CUX1: variants seen among roughly 807,000 people sequenced by gnomAD.
CUX1 encodes the protein cut like homeobox 1.
CUX1 carries 31 observed loss-of-function variants against 158.8 expected under a neutral mutation model. That is an observed-to-expected ratio of 0.20 (90% CI 0.15 to 0.26). The LOEUF (loss-of-function observed/expected upper bound fraction) is 0.26. CUX1 is among the 10% of genes least tolerant of loss of function. The pLI is 1.00. For synonymous variants in CUX1, 879 were observed against 862.1 expected (o/e 1.02, Z -0.34); for missense variants, 1,589 against 2,014.6 (o/e 0.79, Z 4.04).
intron 21 of CUX1, among the ~76,000 whole-genome samples, chr7:102,231,800 G>A (rs1799033853): frequency 1.4e-5 from 2 of 148,096 alleles, no homozygotes; most frequent in African/African-American, 2.5e-5. Context: ...TGCAAGCTCC[G>A]CCTCCCGGGT....
intron 1 of CUX1, among the ~76,000 whole-genome samples, chr7:101,853,123 C>T (rs1464990658): frequency 1.3e-5 from 2 of 152,162 alleles, no homozygotes; most frequent in Non-Finnish European, 2.9e-5. Flanking sequence ...AGAGCTTTGC[C>T]AGTCAATTGC....
At chr7:101,848,668 A>G (rs1795954238) in intron 1 of CUX1, among the ~76,000 whole-genome samples, 1 of 152,022 alleles carries the variant, frequency 6.6e-6, no homozygotes, top group South Asian at 2.1e-4. Flanking sequence ...GTGCTTAACC[A>G]TAAGGATCAG....
At chr7:102,033,466 T>G (rs1821036411) in intron 3 of CUX1, among the ~76,000 whole-genome samples, 1 of 152,174 alleles carries the variant, frequency 6.6e-6, no homozygotes, top group Non-Finnish European at 1.5e-5. Context: ...ACCACTGTAC[T>G]CATCAAGACA....
In CUX1 at chr7:102,197,256, C is replaced by G. The variant is rs781825127; in HGVS notation, c.1845C>G (p.Ser615=). ...TTCACAAGATGAAACAGTTCCTCTC[C>G]GATGAGCAGAACATCCTGGCCCTCC... ...EPFHKMKQFL[S]DEQNILALRS... is the part of the protein sequence containing the mutation. Residue 615 remains serine (S), a synonymous_variant, in exon 15 of 24, where the codon TCC becomes TCG. Transcript: ENST00000292535. 5.9e-5 allele frequency: 96 copies of G among 1,614,010 alleles called. No individual in the cohort carries two copies. Among genetic ancestry groups the G allele is most frequent in the Non-Finnish European group, 7.5e-5 (89 of 1,180,028 alleles).
At chr7:102,218,719 C>T (rs1207492304) in intron 20 of CUX1, among the ~76,000 whole-genome samples, 1 of 151,728 alleles carries the variant, frequency 6.6e-6, no homozygotes, top group Non-Finnish European at 1.5e-5. Context: ...AGAATTTTGG[C>T]TCCCATGTCA....
At chr7:102,120,031 G>A (rs1444013081) in intron 8 of CUX1, among the ~76,000 whole-genome samples, 1 of 152,164 alleles carries the variant, frequency 6.6e-6, no homozygotes, top group Non-Finnish European at 1.5e-5. Context: ...GGCCGTGGAG[G>A]TGGCAGATCC....
intron 1 of CUX1, chr7:101,913,432 G>A (rs1424124355): frequency 8.0e-7 from 1 of 1,245,552 alleles, no homozygotes; most frequent in Non-Finnish European, 1.0e-6. Flanking sequence ...GCAGCCCCGG[G>A]ATCAAGGTGG....
chr7:102,075,641 T>C (rs1826624344), intron 4 of CUX1, among the ~76,000 whole-genome samples: 1 of 152,230 alleles, frequency 6.6e-6, no homozygotes, highest in Non-Finnish European at 1.5e-5. Context: ...AGGCTCCTAC[T>C]GTTCCCACTG....
At chr7:102,203,820 G>A (rs1415463980) in intron 18 of CUX1, among the ~76,000 whole-genome samples, 1 of 152,118 alleles carries the variant, frequency 6.6e-6, no homozygotes, top group Non-Finnish European at 1.5e-5. Flanking sequence ...CATCTGCGGC[G>A]GAATGTCACT....
chr7:102,089,819 T>C (rs555430815), intron 4 of CUX1, among the ~76,000 whole-genome samples: 5 of 152,362 alleles, frequency 3.3e-5, no homozygotes, highest in African/African-American at 1.2e-4. Flanking sequence ...TTGTGATGTG[T>C]GTCCTTCAAT....
chr7:102,179,268 G>A (rs538346210), intron 11 of CUX1, among the ~76,000 whole-genome samples: 70 of 152,290 alleles, frequency 4.6e-4, no homozygotes, highest in African/African-American at 1.7e-3. Context: ...GGCTGGTCTT[G>A]AGCTCCTGAC....
chr7:102,072,628 G>A (rs961906915), intron 4 of CUX1, among the ~76,000 whole-genome samples: 2 of 152,196 alleles, frequency 1.3e-5, no homozygotes, highest in East Asian at 1.9e-4. Context: ...GGAAGTAGAC[G>A]CTGGTCCTTT....
intron 20 of CUX1, chr7:102,281,801 G>A (rs781969290): frequency 1.1e-5 from 15 of 1,400,574 alleles, no homozygotes; most frequent in African/African-American, 2.8e-5. Flanking sequence ...GGGTGGGTGA[G>A]GCCGGCCCCA....
chr7:102,076,877 T>TA (rs1363498835), intron 4 of CUX1, among the ~76,000 whole-genome samples: 1 of 151,116 alleles, frequency 6.6e-6, no homozygotes, highest in Non-Finnish European at 1.5e-5. Context: ...CTACAAAAGA[T>TA]ACAAAAGTTA....
intron 2 of CUX1, among the ~76,000 whole-genome samples, chr7:101,955,238 C>T (rs1809616573): frequency 6.6e-6 from 1 of 152,096 alleles, no homozygotes; most frequent in Non-Finnish European, 1.5e-5. Flanking sequence ...CTCCCTGGTC[C>T]ATTCCCTTCT....
chr7:102,277,883 CGGAGCAGCACCT>C, intron 17 of CUX1: 1 of 980,342 alleles, frequency 1.0e-6, no homozygotes, highest in Non-Finnish European at 1.5e-6. Context: ...TCCAGGTAGA[CGGAGCAGCACCT>C]GTGCCAGCAC....
chr7:102,117,087 C>G (rs185681329), intron 8 of CUX1, among the ~76,000 whole-genome samples: 1 of 152,236 alleles, frequency 6.6e-6, no homozygotes, highest in East Asian at 1.9e-4. Flanking sequence ...AGGCAGGGCA[C>G]TCCCATTGGG....
chr7:102,034,859 A>T (rs1821237377), intron 3 of CUX1, among the ~76,000 whole-genome samples: 1 of 151,748 alleles, frequency 6.6e-6, no homozygotes, highest in Admixed American at 6.6e-5. Context: ...ACTTGAACCC[A>T]GGAGGCAGAG....
chr7:102,280,075 C>A (rs868943536), exon 19 of CUX1: 11 of 1,611,076 alleles, frequency 6.8e-6, no homozygotes, highest in Non-Finnish European at 8.5e-6. Flanking sequence ...GGTACTCGTC[C>A]CAGTACGAGG....
Sources: gnomAD v4.1 joint callset for allele counts (sites outside exome capture counted in the v4.1 genomes callset) on GRCh38, gnomAD v4.1.1 for gene constraint, MANE v1.5 for transcripts, NCBI Gene and HGNC (gene_info 2026-07-23, HGNC 2026-07-21) for gene names.